The following OR52N4 variants were observed in gnomAD, a reference collection of about 807,000 sequenced individuals.
The protein encoded by OR52N4 is olfactory receptor 52N4.
A neutral mutation model predicts 15.0 loss-of-function variants in OR52N4; 15 were observed. The ratio of observed to expected loss-of-function variants is 1.00; its 90% CI spans 0.67 to 1.54. The LOEUF (loss-of-function observed/expected upper bound fraction) is 1.54. Ranked by LOEUF, OR52N4 falls within the 40% of genes most tolerant of loss-of-function variation. OR52N4 has a pLI of 0.00. For missense variants in OR52N4, 421 were observed against 394.0 expected (o/e 1.07, Z -0.58); for synonymous variants, 143 against 143.7 (o/e 1.00, Z 0.03).
the OR52N4 span, among the ~76,000 whole-genome samples, chr11:5,744,604 A>G: frequency 1.3e-5 from 2 of 152,222 alleles, no homozygotes; most frequent in Admixed American, 1.3e-4. Context: ...GGCCTAACAT[A>G]TGGGCATAAC....
At chr11:5,739,375 C>A in the OR52N4 span, among the ~76,000 whole-genome samples, 1 of 124,414 alleles carries the variant, frequency 8.0e-6, no homozygotes, top group Non-Finnish European at 1.8e-5. Context: ...ATAGTGAGAA[C>A]CTATCTCTAT....
the OR52N4 span, chr11:5,736,656 C>A: frequency 6.2e-7 from 1 of 1,613,882 alleles, no homozygotes; most frequent in African/African-American, 1.3e-5. Flanking sequence ...TATCTCTCAG[C>A]ACTTGCTGCA....
Position 5,755,601 on chromosome 11 carries a change from A to G in OR52N4, c.861A>G (p.Pro287=), listed in dbSNP as rs1564959319. 1 of 1,613,706 alleles carries G rather than the reference A, an allele frequency of 6.2e-7. No homozygotes were observed. The change falls in exon 2 of 2, where the codon CCA becomes CCG. Residue 287 remains proline, a synonymous_variant. Coordinates refer to ENST00000641350, the MANE Select transcript of OR52N4 (RefSeq NM_001005175.5). ...IIVANIYLLL[P]PTMNPIVYGV... ...TAGCCAATATTTATCTGCTCCTACC[A>G]CCCACTATGAACCCTATTGTCTATG... is the stretch of plus-strand genomic sequence containing the variant.
the OR52N4 span, among the ~76,000 whole-genome samples, chr11:5,729,922 T>C: frequency 6.6e-6 from 1 of 152,180 alleles, no homozygotes; most frequent in Non-Finnish European, 1.5e-5. Flanking sequence ...GAAAGCCTCT[T>C]ATAATATGCC....
Position 5,754,789 on chromosome 11 carries a change from A to C in OR52N4, c.49A>C (p.Asn17His), listed in dbSNP as rs369523700. 8.7e-6 allele frequency: 14 copies of C among 1,613,546 alleles called. No homozygotes were observed. Among genetic ancestry groups the C allele is most frequent in the Non-Finnish European group, 1.2e-5 (14 of 1,179,660 alleles). The stretch of plus-strand genomic sequence containing the variant: ...CCTAATACCAGCTTCATTTATTCTG[A>C]ATGGAGTCCCAGGACTGGAAGACAC... ...TDLIPASFIL[N>H]GVPGLEDTQL... The change falls in exon 2 of 2, where the codon AAT becomes CAT. Residue 17 changes from asparagine (N) to histidine (H), a missense_variant. Transcript: ENST00000641350.
chr11:5,745,929 C>G, the OR52N4 span, among the ~76,000 whole-genome samples: 2 of 152,178 alleles, frequency 1.3e-5, no homozygotes, highest in African/African-American at 4.8e-5. Flanking sequence ...TTGGTGTGTC[C>G]TTACCCAGCT....
the OR52N4 span, chr11:5,737,048 T>C: frequency 6.2e-7 from 1 of 1,614,134 alleles, no homozygotes; most frequent in Non-Finnish European, 8.5e-7. Context: ...GCGTGATTAT[T>C]GCTCCAAGAA....
the OR52N4 span, among the ~76,000 whole-genome samples, chr11:5,729,363 G>A: frequency 2.0e-5 from 3 of 151,702 alleles, no homozygotes; most frequent in African/African-American, 7.3e-5. Flanking sequence ...CTTGTGATCC[G>A]CCTGCCTCAG....
the OR52N4 span, chr11:5,734,076 C>T: frequency 2.3e-6 from 1 of 442,382 alleles, no homozygotes; most frequent in Non-Finnish European, 4.5e-6. Flanking sequence ...TACTACTCTC[C>T]ATAAATTTCA....
chr11:5,730,325 G>A, the OR52N4 span, among the ~76,000 whole-genome samples: 326 of 151,612 alleles, frequency 2.2e-3, 6 homozygotes, highest in Admixed American at 0.02. Flanking sequence ...CTGAGTAGCT[G>A]GGACTACAGG....
At position 5,755,177 on chromosome 11, in the gene OR52N4, T is replaced by C. The variant is rs746747156; in HGVS notation, c.437T>C (p.Val146Ala). 7.4e-6 allele frequency: 12 copies of C among 1,613,904 alleles called. No homozygotes were observed. The highest frequency in any genetic ancestry group is 9.3e-6 in the Non-Finnish European group (11 of 1,179,962). Residue 146 changes from valine to alanine, a missense_variant, in exon 2 of 2, where the codon GTT (valine) becomes GCT (alanine). Transcript: ENST00000641350. ...CTCACCAATCCTGTAATTGCAAAGG[T>C]TGGGACTGCCACCTTCCTGAGAGGG... ...TILTNPVIAK[V>A]GTATFLRGVL...
Position 5,755,797 on chromosome 11 carries a change from G to A in OR52N4, c.*91G>A. 1 of 1,424,188 alleles carries A rather than the reference G, an allele frequency of 7.0e-7. No homozygotes were observed. The allele number at this position is 1,424,188 out of a possible 1,614,324, so 88.2% of individuals were successfully genotyped here. A position where few individuals can be genotyped will look rare whatever the true frequency, so the allele number is the denominator to read the frequency against. ...TTCATAAAATCTTTCTGGAAGCACT[G>A]TATTGATCACAAAATGGAGTTTGTT... On this transcript the variant is annotated 3_prime_UTR_variant, in exon 2 of 2. Coordinates refer to ENST00000641350, the MANE Select transcript of OR52N4 (RefSeq NM_001005175.5).
upstream of OR52N4, among the ~76,000 whole-genome samples, chr11:5,750,167 C>T (rs1854160396): frequency 6.6e-6 from 1 of 151,720 alleles, no homozygotes; most frequent in Non-Finnish European, 1.5e-5. Flanking sequence ...GCAAATTATT[C>T]TATTTTCGGT....
At chr11:5,729,333 G>C in the OR52N4 span, among the ~76,000 whole-genome samples, 1 of 151,698 alleles carries the variant, frequency 6.6e-6, no homozygotes, top group African/African-American at 2.4e-5. Flanking sequence ...TGTTAGCCAG[G>C]ATGGTCTCGA....
At chr11:5,739,146 A>T in the OR52N4 span, among the ~76,000 whole-genome samples, 1 of 12,936 alleles carries the variant, frequency 7.7e-5, no homozygotes, top group African/African-American at 1.9e-4. Context: ...TATTCATAAG[A>T]CTACTTTTTT....
the OR52N4 span, among the ~76,000 whole-genome samples, chr11:5,734,943 T>G: frequency 6.6e-6 from 1 of 152,060 alleles, no homozygotes; most frequent in East Asian, 1.9e-4. Flanking sequence ...ATTTACTCCA[T>G]CATTTGGGAG....
the OR52N4 span, chr11:5,737,349 C>A: frequency 1.2e-6 from 2 of 1,614,096 alleles, no homozygotes; most frequent in South Asian, 2.2e-5. Context: ...ATGAAGGCTA[C>A]TTTGATTCCA....
the OR52N4 span, chr11:5,734,333 A>C: frequency 1.8e-5 from 7 of 385,500 alleles, no homozygotes; most frequent in Non-Finnish European, 3.6e-5. Context: ...ATTCTGCAAA[A>C]AGATTGACAT....
the OR52N4 span, among the ~76,000 whole-genome samples, chr11:5,733,098 A>G: frequency 1.3e-5 from 2 of 152,150 alleles, no homozygotes; most frequent in African/African-American, 4.8e-5. Flanking sequence ...TGCTCATCCA[A>G]CTTACTTATA....
Sources: gnomAD v4.1 joint callset for allele counts (sites outside exome capture counted in the v4.1 genomes callset) on GRCh38, gnomAD v4.1.1 for gene constraint, MANE v1.5 for transcripts, NCBI Gene and HGNC (gene_info 2026-07-23, HGNC 2026-07-21) for gene names.